The following LANCL3 variants were observed in gnomAD, a reference collection of about 807,000 sequenced individuals.
The protein encoded by LANCL3 is LanC like family member 3.
LANCL3 carries 19 observed loss-of-function variants against 26.5 expected under a neutral mutation model. The observed-to-expected ratio is 0.72, with a 90% CI of 0.50 to 1.05. The LOEUF (loss-of-function observed/expected upper bound fraction) is 1.05. Ranked by LOEUF, LANCL3 falls within the 50% of genes least tolerant of loss-of-function variation. LANCL3 has a pLI of 0.00. For synonymous variants in LANCL3, 160 were observed against 166.6 expected (o/e 0.96, Z 0.30); for missense variants, 318 against 362.7 (o/e 0.88, Z 1.00).
chrX:37,587,478 C>A (rs1399545487), intron 1 of LANCL3, among the ~76,000 whole-genome samples: 2 of 112,918 alleles, frequency 1.8e-5, no homozygotes, highest in African/African-American at 3.2e-5. Flanking sequence ...TGTTTACCTC[C>A]TCAAGCCTTA....
At chrX:37,584,024 T>C (rs1352372631) in intron 1 of LANCL3, among the ~76,000 whole-genome samples, 3 of 112,009 alleles carry the variant, frequency 2.7e-5, no homozygotes, top group East Asian at 5.5e-4. Context: ...GTTTTTAACA[T>C]GAAGGGCTGT....
In LANCL3 at chrX:37,677,025, A is replaced by T. The variant is rs1036219105; in HGVS notation, c.*1212A>T. On this transcript the variant is annotated 3_prime_UTR_variant, in exon 5 of 5. Coordinates refer to ENST00000378619, the MANE Select transcript of LANCL3 (RefSeq NM_001170331.2). Reference sequence around the variant, plus strand: ...CTGTCACTTCATTATGCAGAGCATAAGTTGATCCTTTTCCTAGAATTTTGT... The same window carrying T: ...CTGTCACTTCATTATGCAGAGCATATGTTGATCCTTTTCCTAGAATTTTGT... 1.8e-5 allele frequency: 2 copies of T among 111,827 alleles called. No homozygotes were observed. The highest frequency in any genetic ancestry group is 1.9e-4 in the Admixed American group (2 of 10,510). The allele number at this position is 111,827 out of a possible 1,213,427, so 9.2% of individuals were successfully genotyped here.
chrX:37,614,759 A>G (rs1437206083), intron 1 of LANCL3, among the ~76,000 whole-genome samples: 1 of 112,383 alleles, frequency 8.9e-6, no homozygotes, highest in Admixed American at 9.4e-5. Context: ...TGTACCACAT[A>G]TAAGCACAAT....
chrX:37,589,045 C>A (rs1399175005), intron 1 of LANCL3, among the ~76,000 whole-genome samples: 17 of 112,123 alleles, frequency 1.5e-4, no homozygotes, highest in African/African-American at 5.5e-4. Flanking sequence ...GAGACACAGT[C>A]TGACAGACTT....
intron 1 of LANCL3, among the ~76,000 whole-genome samples, chrX:37,633,152 T>G (rs1925586298): frequency 9.1e-6 from 1 of 109,399 alleles, no homozygotes; most frequent in African/African-American, 3.3e-5. Flanking sequence ...TTTGTTCGTT[T>G]TTTTTTTTTT....
At chrX:37,604,170 G>A (rs782402398) in intron 1 of LANCL3, among the ~76,000 whole-genome samples, 50 of 112,492 alleles carry the variant, frequency 4.4e-4, no homozygotes, top group Non-Finnish European at 8.8e-4. Flanking sequence ...TGGTGAGCTG[G>A]AGAGGAAGAG....
chrX:37,613,048 T>C (rs2146737116), intron 1 of LANCL3, among the ~76,000 whole-genome samples: 1 of 111,183 alleles, frequency 9.0e-6, no homozygotes, highest in South Asian at 3.8e-4. Context: ...TGCTGTGGTC[T>C]GGAAACCAGA....
intron 1 of LANCL3, among the ~76,000 whole-genome samples, chrX:37,585,726 G>C (rs1477953750): frequency 4.5e-5 from 5 of 111,554 alleles, no homozygotes; most frequent in African/African-American, 9.8e-5. Flanking sequence ...ATACAGCACA[G>C]TGATGGGTCT....
At chrX:37,619,844 T>G (rs1925106711) in intron 1 of LANCL3, among the ~76,000 whole-genome samples, 1 of 111,946 alleles carries the variant, frequency 8.9e-6, no homozygotes, top group African/African-American at 3.2e-5. Context: ...AGAGCCTTCA[T>G]TCAACCCTCT....
intron 1 of LANCL3, among the ~76,000 whole-genome samples, chrX:37,576,029 T>C (rs1380173178): frequency 2.7e-5 from 3 of 112,059 alleles, no homozygotes; most frequent in African/African-American, 9.7e-5. Context: ...TTGTGTTGGC[T>C]ACTAGGGAGT....
chrX:37,633,682 G>T (rs1314297365), intron 1 of LANCL3, among the ~76,000 whole-genome samples: 1 of 111,814 alleles, frequency 8.9e-6, no homozygotes, highest in East Asian at 2.8e-4. Flanking sequence ...GTTGGAGTTT[G>T]CTAGAGGTCC....
intron 1 of LANCL3, among the ~76,000 whole-genome samples, chrX:37,634,266 C>T (rs1367933391): frequency 1.8e-5 from 2 of 112,547 alleles, no homozygotes; most frequent in African/African-American, 3.2e-5. Context: ...CCTGGTGCGC[C>T]GTTTTTTAAG....
chrX:37,580,049 A>G, intron 1 of LANCL3, among the ~76,000 whole-genome samples: 1 of 111,816 alleles, frequency 8.9e-6, no homozygotes, highest in Non-Finnish European at 1.9e-5. Context: ...CATGTGTAGG[A>G]TTTCATTCAG....
chrX:37,666,962 T>G (rs1375924931), intron 3 of LANCL3, among the ~76,000 whole-genome samples: 2 of 112,309 alleles, frequency 1.8e-5, no homozygotes, highest in Non-Finnish European at 3.8e-5. Context: ...ATTTTAGATT[T>G]TATCAATCTA....
chrX:37,645,191 T>A (rs184615599), intron 1 of LANCL3, among the ~76,000 whole-genome samples: 1 of 112,262 alleles, frequency 8.9e-6, no homozygotes, highest in Non-Finnish European at 1.9e-5. Flanking sequence ...TCTTTTCTGG[T>A]TTCTAGTGTT....
At chrX:37,623,932 A>C (rs968841460) in intron 1 of LANCL3, among the ~76,000 whole-genome samples, 6 of 112,147 alleles carry the variant, frequency 5.4e-5, no homozygotes, top group Non-Finnish European at 1.1e-4. Flanking sequence ...TTTCTATATC[A>C]ATACATATAG....
At chrX:37,631,416 T>C (rs1421135866) in intron 1 of LANCL3, among the ~76,000 whole-genome samples, 8 of 111,854 alleles carry the variant, frequency 7.2e-5, no homozygotes, top group African/African-American at 2.3e-4. Context: ...CTGGATTCAT[T>C]GATTTTTTGA....
chrX:37,616,579 T>C (rs1319329445), intron 1 of LANCL3, among the ~76,000 whole-genome samples: 7 of 112,232 alleles, frequency 6.2e-5, no homozygotes, highest in Non-Finnish European at 1.1e-4. Flanking sequence ...GTGACTGTAT[T>C]CACTCATTCA....
chrX:37,640,597 A>G (rs1454359800), intron 1 of LANCL3, among the ~76,000 whole-genome samples: 7 of 111,704 alleles, frequency 6.3e-5, no homozygotes, highest in African/African-American at 1.6e-4. Flanking sequence ...AATAATTATC[A>G]TAGAACAAAT....
Sources: allele counts gnomAD v4.1 joint callset (sites outside exome capture counted in the v4.1 genomes callset), GRCh38; gene constraint gnomAD v4.1.1; transcripts MANE v1.5; gene names NCBI Gene and HGNC (gene_info 2026-07-23, HGNC 2026-07-21).